The following PIK3CG variants were observed in gnomAD, a reference collection of about 807,000 sequenced individuals.
The protein encoded by PIK3CG is phosphatidylinositol-4,5-bisphosphate 3-kinase catalytic subunit gamma.
Under a neutral mutation model 102.3 loss-of-function variants are expected in PIK3CG, and 55 were observed. That is an observed-to-expected ratio of 0.54 (90% CI 0.43 to 0.67). PIK3CG has a LOEUF of 0.67. Among genes scored for constraint, PIK3CG ranks in the 30% least tolerant of loss-of-function variants. PIK3CG has a pLI of 0.00. For missense variants in PIK3CG, 1,258 were observed against 1,391.8 expected (o/e 0.90, Z 1.53); for synonymous variants, 552 against 540.0 (o/e 1.02, Z -0.31).
intron 5 of PIK3CG, among the ~76,000 whole-genome samples, chr7:106,876,332 A>G (rs1790737392): frequency 6.6e-6 from 1 of 151,620 alleles, no homozygotes; most frequent in Non-Finnish European, 1.5e-5. Flanking sequence ...ATTTTCCATT[A>G]GAGTACATTC....
At position 106,899,370 on chromosome 7, in the gene PIK3CG, A is replaced by G. The variant is rs1229711957; in HGVS notation, c.3031-5739A>G. Among the ~76,000 whole-genome samples, 1 of 152,122 alleles carries G rather than the reference A, an allele frequency of 6.6e-6. No homozygotes were observed. Among genetic ancestry groups the G allele is most frequent in the Non-Finnish European group, 1.5e-5 (1 of 68,030 alleles). The stretch of plus-strand genomic sequence containing the variant: ...GTTCTTTATTTCTTCCTCTTGCCTG[A>G]TTGCTCTGGCCAGGACTTCCAATAC... On this transcript the variant is annotated intron_variant, in intron 10 of 10. Coordinates refer to ENST00000496166, the MANE Select transcript of PIK3CG (RefSeq NM_001282426.2). The surrounding 1 kb of genome is among the most constrained non-coding windows in gnomAD (Gnocchi z 4.6).
In PIK3CG at chr7:106,905,112, A is replaced by G. The variant is rs1326802329; in HGVS notation, c.3034A>G (p.Ile1012Val). ...TSPHFQKFQD[I>V]CVKAYLALRH... ...CATTTTCTTCTTCTTTATCCAGGACATCTGTGTTAAGGCTTATCTAGCCCT... is the reference window on the plus strand; with the variant it reads ...CATTTTCTTCTTCTTTATCCAGGACGTCTGTGTTAAGGCTTATCTAGCCCT... The change falls in exon 11 of 11, where the codon ATC (isoleucine) becomes GTC (valine). Residue 1012 changes from isoleucine to valine, a missense_variant. By Grantham distance (29) the Ile-to-Val change is conservative. Around this residue, in one of 2 missense-constraint regions of PIK3CG, gnomAD observed 426 missense variants for 604.2 expected, o/e 0.71. Transcript: ENST00000496166. This position sits in a 1 kb window ranked among gnomAD's most constrained non-coding sequence, Gnocchi z 5.6. 2.5e-6 allele frequency: 4 copies of G among 1,612,898 alleles called. No homozygotes were observed. The highest frequency in any genetic ancestry group is 3.4e-6 in the Non-Finnish European group (4 of 1,179,196).
intron 5 of PIK3CG, among the ~76,000 whole-genome samples, chr7:106,876,460 C>T (rs547941876): frequency 6.7e-5 from 10 of 150,102 alleles, no homozygotes; most frequent in African/African-American, 1.2e-4. Context: ...GGCACGATCT[C>T]GGCTCACTGC....
Position 106,907,739 on chromosome 7 carries a change from TAACATATATATGCTAATATATATATAA to T in PIK3CG, c.*2353_*2379del, listed in dbSNP as rs1201139195. Among the ~76,000 whole-genome samples, 7 of 143,740 alleles carry T rather than the reference TAACATATATATGCTAATATATATATAA, an allele frequency of 4.9e-5. No individual in the cohort carries two copies. The highest frequency in any genetic ancestry group is 1.1e-4 in the Non-Finnish European group (7 of 65,234). The allele number at this position is 143,740 out of a possible 152,430, so 94.3% of individuals were successfully genotyped here. On this transcript the variant is annotated 3_prime_UTR_variant, in exon 11 of 11. Transcript: ENST00000496166. ...ATTTCATTATGCTAATATATATATA[TAACATATATATGCTAATATATATATAA>T]CATATATATGCTAATATATATATAT...
At position 106,883,146 on chromosome 7, in the gene PIK3CG, T is replaced by C; in HGVS notation, c.2743T>C (p.Ser915Pro). 6.2e-7 allele frequency: 1 copy of C among 1,613,982 alleles called. No individual in the cohort carries two copies. The highest frequency in any genetic ancestry group is 8.5e-7 in the Non-Finnish European group (1 of 1,179,950). ...CCTGAATCACTGGCTCAAAGAAAAA[T>C]CCCCTACTGAAGAAAAGGTGAGCTC... is the stretch of plus-strand genomic sequence containing the variant. ...EVLNHWLKEKSPTEEKFQAAV... is the reference protein window; with the variant it reads ...EVLNHWLKEKPPTEEKFQAAV... Residue 915 changes from serine to proline, a missense_variant, in exon 8 of 11, where the codon TCC becomes CCC. Physicochemically the swap from Ser to Pro is moderately conservative, Grantham distance 74. Transcript: ENST00000496166. This position sits in a 1 kb window ranked among gnomAD's most constrained non-coding sequence, Gnocchi z 5.8.
At position 106,903,857 on chromosome 7, in the gene PIK3CG, C is replaced by G. The variant is rs888346085; in HGVS notation, c.3031-1252C>G. The stretch of plus-strand genomic sequence containing the variant: ...CACTGCAACCTCTACCTCCCAGGTT[C>G]AAGCAATTCTCTTGCCTCAGCCTCC... On this transcript the variant is annotated intron_variant, in intron 10 of 10. Coordinates refer to ENST00000496166, the MANE Select transcript of PIK3CG (RefSeq NM_001282426.2). The surrounding 1 kb of genome is among the most constrained non-coding windows in gnomAD (Gnocchi z 4.3). Among the ~76,000 whole-genome samples, 2 of 152,018 alleles carry G rather than the reference C, an allele frequency of 1.3e-5. No homozygotes were observed. Among genetic ancestry groups the G allele is most frequent in the African/African-American group, 4.8e-5 (2 of 41,384 alleles).
At position 106,867,973 on chromosome 7, in the gene PIK3CG, G is replaced by A. The variant is rs140339749; in HGVS notation, c.412G>A (p.Val138Met). 4.3e-4 allele frequency: 698 copies of A among 1,612,240 alleles called. 1 individual carries two copies. Among genetic ancestry groups the A allele is most frequent in the Non-Finnish European group, 5.5e-4 (652 of 1,179,324 alleles). The change falls in exon 2 of 11, where the codon GTG becomes ATG. Residue 138 changes from valine (V) to methionine (M), a missense_variant. This residue lies in a region of PIK3CG where 832 missense variants were observed against 787.5 expected (regional missense o/e 1.06). Transcript: ENST00000496166. The surrounding 1 kb of genome is among the most constrained non-coding windows in gnomAD (Gnocchi z 5.1). ...THRSPGQIHL[V>M]QRHPPSEESQ... ...CCGGAGCCCGGGCCAGATCCACCTG[G>A]TGCAGCGGCACCCGCCCTCCGAGGA...
rs1175391105 is a variant in PIK3CG, at chr7:106,906,833, T to TC, written c.*1446_*1447insC. On this transcript the variant is annotated 3_prime_UTR_variant, in exon 11 of 11. Coordinates refer to ENST00000496166, the MANE Select transcript of PIK3CG (RefSeq NM_001282426.2). Reference sequence around the variant, plus strand: ...CTTTGAGGTAGTCCAGACCTTTTCTTTTTTTTTTTTTTTTTAATGTGTGCA... The same window carrying TC: ...CTTTGAGGTAGTCCAGACCTTTTCTTCTTTTTTTTTTTTTTTAATGTGTGCA... 1.7e-5 allele frequency: 3 copies of TC among 177,078 alleles called. No homozygotes were observed. Among genetic ancestry groups the TC allele is most frequent in the East Asian group, 1.0e-4 (1 of 9,760 alleles). 11.0% of individuals were successfully genotyped at this position (177,078 alleles called of 1,614,324 possible). A position where few individuals can be genotyped will look rare whatever the true frequency, so the allele number is the denominator to read the frequency against.
chr7:106,885,901 T>A (rs1322897407), intron 9 of PIK3CG, among the ~76,000 whole-genome samples: 1 of 152,214 alleles, frequency 6.6e-6, no homozygotes, highest in African/African-American at 2.4e-5. Flanking sequence ...TATAGTGGCA[T>A]CTGGCTGTCA....
rs750834144 is a variant in PIK3CG, at chr7:106,867,635, C to G, written c.74C>G (p.Pro25Arg). Residue 25 changes from proline to arginine, a missense_variant, in exon 2 of 11, where the codon CCG becomes CGG. By Grantham distance (103) the Pro-to-Arg change is moderately radical. This residue lies in a region of PIK3CG where 832 missense variants were observed against 787.5 expected (regional missense o/e 1.06). Transcript: ENST00000496166. This position sits in a 1 kb window ranked among gnomAD's most constrained non-coding sequence, Gnocchi z 5.1. ...TGCCGAAGGCGCCGGAGGATGAAGCCGCGCAGTGCTGCGGCCAGCCTGTCC... is the reference window on the plus strand; with the variant it reads ...TGCCGAAGGCGCCGGAGGATGAAGCGGCGCAGTGCTGCGGCCAGCCTGTCC... ...DNCRRRRRMK[P>R]RSAAASLSSM... 6.2e-7 allele frequency: 1 copy of G among 1,612,698 alleles called. No individual in the cohort carries two copies. The highest frequency in any genetic ancestry group is 1.7e-5 in the Admixed American group (1 of 59,934).
rs1790880182 is a variant in PIK3CG at position 106,879,811 on chromosome 7, C to G, written c.2538+146C>G. 1.2e-5 allele frequency: 8 copies of G among 679,070 alleles called. No homozygotes were observed. The highest frequency in any genetic ancestry group is 2.0e-5 in the Non-Finnish European group (8 of 407,794). 42.1% of individuals were successfully genotyped at this position (679,070 alleles called of 1,614,324 possible). On this transcript the variant is annotated intron_variant, in intron 6 of 10. Transcript: ENST00000496166. The surrounding 1 kb of genome is among the most constrained non-coding windows in gnomAD (Gnocchi z 4.9). ...AATATTACATCATAGAGAGTTTTCA[C>G]TTGGGGAATTTGGCTGCAGACTATT...
intron 5 of PIK3CG, among the ~76,000 whole-genome samples, chr7:106,878,616 A>G (rs1190806301): frequency 6.6e-6 from 1 of 152,164 alleles, no homozygotes; most frequent in Non-Finnish European, 1.5e-5. Flanking sequence ...ACGGACCTAC[A>G]CTGCCTGTTC....
rs1790459458 is a variant in PIK3CG, at chr7:106,869,548, T to C, written c.1987T>C (p.Leu663=). The C allele has an allele frequency of 4.4e-6, 7 of 1,604,142 alleles. No individual in the cohort carries two copies. Among genetic ancestry groups the C allele is most frequent in the African/African-American group, 2.7e-5 (2 of 74,660 alleles). The change falls in exon 2 of 11, where the codon TTG becomes CTG. Residue 663 remains leucine (L), a synonymous_variant. Transcript: ENST00000496166. The surrounding 1 kb of genome is among the most constrained non-coding windows in gnomAD (Gnocchi z 5.3). Reference sequence around the variant, plus strand: ...TGATGTTCTGCATTACCTTCTACAATTGGTCCAGGTAGGGGATGTTGGTGT... The same window carrying C: ...TGATGTTCTGCATTACCTTCTACAACTGGTCCAGGTAGGGGATGTTGGTGT... The part of the protein sequence containing the change: ...DDDVLHYLLQ[L]VQAVKFEPYH...
In PIK3CG at chr7:106,867,862, CAGA is replaced by C. The variant is rs1790359337; in HGVS notation, c.307_309del (p.Lys103del). 1.9e-6 allele frequency: 3 copies of C among 1,612,752 alleles called. No individual in the cohort carries two copies. Among genetic ancestry groups the C allele is most frequent in the Non-Finnish European group, 2.5e-6 (3 of 1,179,892 alleles). On this transcript the variant is annotated inframe_deletion, in exon 2 of 11. Transcript: ENST00000496166. This position sits in a 1 kb window ranked among gnomAD's most constrained non-coding sequence, Gnocchi z 5.1. ...ACCGCATCACTTCCTCCTGCTCTATCAGAAGAAGGGGCAGTGGTACGAGATCTA... is the reference window on the plus strand; with the variant it reads ...ACCGCATCACTTCCTCCTGCTCTATCAGAAGGGGCAGTGGTACGAGATCTA...
In PIK3CG at chr7:106,880,671, T is replaced by C. The variant is rs919608984; in HGVS notation, c.2538+1006T>C. 6.6e-6 allele frequency among the ~76,000 whole-genome samples: 1 copy of C among 152,128 alleles called. No homozygotes were observed. Among genetic ancestry groups the C allele is most frequent in the African/African-American group, 2.4e-5 (1 of 41,436 alleles). On this transcript the variant is annotated intron_variant, in intron 6 of 10. Coordinates refer to ENST00000496166, the MANE Select transcript of PIK3CG (RefSeq NM_001282426.2). The surrounding 1 kb of genome is among the most constrained non-coding windows in gnomAD (Gnocchi z 4.2). Reference sequence around the variant, plus strand: ...TTGCCTTTGCCCTTTATGTACTTTGTGGTTTTGTTTTTTTTTAATTTTTTT... The same window carrying C: ...TTGCCTTTGCCCTTTATGTACTTTGCGGTTTTGTTTTTTTTTAATTTTTTT...
chr7:106,907,187 C>A lies in PIK3CG; in HGVS notation c.*1800C>A, dbSNP rs1391090653. 1 of 171,220 alleles carries A rather than the reference C, an allele frequency of 5.8e-6. No individual in the cohort carries two copies. 10.6% of individuals were successfully genotyped at this position (171,220 alleles called of 1,614,324 possible). On this transcript the variant is annotated 3_prime_UTR_variant, in exon 11 of 11. Coordinates refer to ENST00000496166, the MANE Select transcript of PIK3CG (RefSeq NM_001282426.2). ...CCATTCCCAGGTTATAATTTAATTACTGTGGGATGAGACCCAGACATCAAT... is the reference window on the plus strand; with the variant it reads ...CCATTCCCAGGTTATAATTTAATTAATGTGGGATGAGACCCAGACATCAAT...
rs1790875410 is a variant in PIK3CG at position 106,879,651 on chromosome 7, A to G, written c.2524A>G (p.Met842Val). 6.2e-7 allele frequency: 1 copy of G among 1,611,596 alleles called. No individual in the cohort carries two copies. The highest frequency in any genetic ancestry group is 8.5e-7 in the Non-Finnish European group (1 of 1,178,398). ...ACATGGTGATGATCTGCGCCAAGAC[A>G]TGCTTATTTTACAGGTATGCTAATT... ...FKHGDDLRQD[M>V]LILQILRIME... is the part of the protein sequence containing the mutation. The change falls in exon 6 of 11, where the codon ATG becomes GTG. Residue 842 changes from methionine (M) to valine (V), a missense_variant. By Grantham distance (21) the Met-to-Val change is conservative. Transcript: ENST00000496166. The surrounding 1 kb of genome is among the most constrained non-coding windows in gnomAD (Gnocchi z 4.9).
Position 106,868,071 on chromosome 7 carries a change from C to G in PIK3CG, c.510C>G (p.Asp170Glu), listed in dbSNP as rs769276354. 1.2e-6 allele frequency: 2 copies of G among 1,612,956 alleles called. No homozygotes were observed. The highest frequency in any genetic ancestry group is 1.7e-6 in the Non-Finnish European group (2 of 1,179,336). Reference protein sequence around the residue: ...YDVTDVSNVHDDELEFTRRGL... With the variant: ...YDVTDVSNVHEDELEFTRRGL... ...TCACTGACGTCAGCAACGTGCACGA[C>G]GATGAGCTGGAGTTCACGCGCCGTG... The change falls in exon 2 of 11, where the codon GAC becomes GAG. Residue 170 changes from aspartate to glutamate, a missense_variant. Around this residue, in one of 2 missense-constraint regions of PIK3CG, gnomAD observed 832 missense variants for 787.5 expected, o/e 1.06. Transcript: ENST00000496166. This position sits in a 1 kb window ranked among gnomAD's most constrained non-coding sequence, Gnocchi z 6.2.
rs1186454216 is a variant in PIK3CG, at chr7:106,869,613, T to C, written c.1995+57T>C. On this transcript the variant is annotated intron_variant, in intron 2 of 10. Transcript: ENST00000496166. This position sits in a 1 kb window ranked among gnomAD's most constrained non-coding sequence, Gnocchi z 5.3. ...TTCTCAAAAGGAATTGATTTGCATATGCACAGGCACTCCATTCAGTTGTCA... is the reference window on the plus strand; with the variant it reads ...TTCTCAAAAGGAATTGATTTGCATACGCACAGGCACTCCATTCAGTTGTCA... 2.8e-5 allele frequency: 38 copies of C among 1,373,890 alleles called. No homozygotes were observed. Among genetic ancestry groups the C allele is most frequent in the Non-Finnish European group, 3.5e-5 (35 of 1,008,826 alleles). 85.1% of individuals were successfully genotyped at this position (1,373,890 alleles called of 1,614,324 possible).
Sources: allele counts gnomAD v4.1 joint callset (sites outside exome capture counted in the v4.1 genomes callset), GRCh38; gene constraint gnomAD v4.1.1; regional missense constraint gnomAD v4.1.1; non-coding constraint Gnocchi (gnomAD v3.1); transcripts MANE v1.5; gene names NCBI Gene and HGNC (gene_info 2026-07-23, HGNC 2026-07-21).